DLGAP2: variants seen among roughly 807,000 people sequenced by gnomAD.
The protein encoded by DLGAP2 is DLG associated protein 2.
In DLGAP2, 26 loss-of-function variants were observed where a neutral mutation model predicts 100.3. The observed-to-expected ratio is 0.26, with a 90% confidence interval of 0.19 to 0.36. The LOEUF is 0.36. Ranked by LOEUF, DLGAP2 falls within the 10% of genes least tolerant of loss-of-function variation. The probability of loss-of-function intolerance (pLI) is 1.00; values close to 1 mark genes in which losing one functional copy is unlikely to be tolerated. For missense variants in DLGAP2, 1,858 were observed against 1,453.2 expected, an observed-to-expected ratio of 1.28 and a Z score of -4.53; for synonymous variants, 886 against 630.1, an observed-to-expected ratio of 1.41 and a Z score of -6.08.
rs189205941 is a variant in DLGAP2 at position 1,540,180 on chromosome 8, G to C, written c.173-8446G>C. 9.2e-5 allele frequency among the ~76,000 whole-genome samples: 14 copies of C among 152,274 alleles called. No individual in the cohort carries two copies. In the East Asian group the frequency reaches 2.7e-3, roughly 30 times the overall value. ...CCTACTTCCTTAGGTCTCTGCCCTGGTCAAGCCCTCCCCACCACACTTGTC... is the reference window on the plus strand; with the variant it reads ...CCTACTTCCTTAGGTCTCTGCCCTGCTCAAGCCCTCCCCACCACACTTGTC... On this transcript the variant is annotated intron_variant, in intron 4 of 14. Coordinates refer to ENST00000637795, the MANE Select transcript of DLGAP2 (RefSeq NM_001346810.2).
chr8:1,567,549 C>T (rs537639119), intron 6 of DLGAP2, among the ~76,000 whole-genome samples: 3 of 152,318 alleles, frequency 2.0e-5, no homozygotes, highest in South Asian at 4.1e-4. Context: ...TTCCTGTTGA[C>T]GGGTTCCTTC....
chr8:1,586,696 T>C (rs1377929059), intron 6 of DLGAP2, among the ~76,000 whole-genome samples: 1 of 152,242 alleles, frequency 6.6e-6, no homozygotes, highest in Non-Finnish European at 1.5e-5. Flanking sequence ...TGGCGGACTC[T>C]AGGCCCAGAT....
intron 3 of DLGAP2, among the ~76,000 whole-genome samples, chr8:1,360,899 G>T (rs922471522): frequency 1.3e-5 from 2 of 152,226 alleles, no homozygotes; most frequent in African/African-American, 4.8e-5. Context: ...CACCGGACAC[G>T]TGAACACGGT....
At chr8:1,483,822 C>G (rs753267723) in intron 3 of DLGAP2, among the ~76,000 whole-genome samples, 12 of 152,102 alleles carry the variant, frequency 7.9e-5, no homozygotes, top group Non-Finnish European at 1.5e-4. Flanking sequence ...GACCACAGGG[C>G]TTTTGTAAGG....
At chr8:1,479,472 C>T (rs1315992487) in intron 3 of DLGAP2, among the ~76,000 whole-genome samples, 2 of 152,140 alleles carry the variant, frequency 1.3e-5, no homozygotes, top group East Asian at 1.9e-4. Context: ...TAATTAATTG[C>T]AAATGGACAT....
chr8:1,281,258 G>T (rs80185748), intron 3 of DLGAP2, among the ~76,000 whole-genome samples: 3,968 of 152,300 alleles, frequency 0.026, 151 homozygotes, highest in East Asian at 0.079. Context: ...CGTAGATGTG[G>T]GTTTTGAGCC....
chr8:822,165 C>G, intron 1 of DLGAP2: 1 of 399,582 alleles, frequency 2.5e-6, no homozygotes, highest in Non-Finnish European at 4.4e-6. Context: ...CTGCCTGCGC[C>G]CAGCCCAGCC....
intron 3 of DLGAP2, among the ~76,000 whole-genome samples, chr8:1,267,240 TAAATAAATAAAATA>T (rs1161581941): frequency 2.2e-5 from 1 of 46,448 alleles, no homozygotes; most frequent in Admixed American, 2.0e-4. Context: ...TCAAAATAAA[TAAATAAATAAAATA>T]AAATAAAATA....
intron 2 of DLGAP2, among the ~76,000 whole-genome samples, chr8:1,128,068 A>G (rs1389716065): frequency 6.6e-6 from 1 of 152,152 alleles, no homozygotes; most frequent in Non-Finnish European, 1.5e-5. Context: ...TGTGCACCAT[A>G]TCCCGGTGTT....
At chr8:1,275,320 A>C in intron 3 of DLGAP2, among the ~76,000 whole-genome samples, 1 of 151,934 alleles carries the variant, frequency 6.6e-6, no homozygotes. Context: ...GAGCAGATAG[A>C]ACCAGGTACA....
chr8:1,470,353 C>G (rs1268619279), intron 3 of DLGAP2, among the ~76,000 whole-genome samples: 1 of 152,164 alleles, frequency 6.6e-6, no homozygotes, highest in Non-Finnish European at 1.5e-5. Flanking sequence ...GTGAGCCCCG[C>G]TGGTTCCTTA....
rs543514377 is a variant in DLGAP2 at position 890,834 on chromosome 8, C to T, written c.19-17078C>T. 1.4e-4 allele frequency among the ~76,000 whole-genome samples: 22 copies of T among 152,242 alleles called. 2 individuals carry two copies. The South Asian group carries it at 3.3e-3, about 23-fold the overall frequency. On this transcript the variant is annotated intron_variant, in intron 1 of 14. Coordinates refer to ENST00000637795, the MANE Select transcript of DLGAP2 (RefSeq NM_001346810.2). ...GCCCAAGCCACCCTGGGGCGTTTCC[C>T]GACCCCCCTAAACTCTAGGGCATGA...
At chr8:1,287,009 A>C (rs561659671) in intron 3 of DLGAP2, among the ~76,000 whole-genome samples, 8 of 152,352 alleles carry the variant, frequency 5.3e-5, no homozygotes, top group Admixed American at 3.9e-4. Flanking sequence ...CAGTTTTATA[A>C]CGTGAACCAG....
chr8:1,424,714 T>C (rs147346580), intron 3 of DLGAP2, among the ~76,000 whole-genome samples: 3 of 152,014 alleles, frequency 2.0e-5, no homozygotes, highest in East Asian at 3.9e-4. Context: ...GAAGGCCGGA[T>C]AGGACAAGGA....
chr8:1,419,360 G>T (rs1228721435), intron 3 of DLGAP2, among the ~76,000 whole-genome samples: 4 of 80,482 alleles, frequency 5.0e-5, no homozygotes, highest in South Asian at 1.3e-3. Flanking sequence ...TGTAGGTTTT[G>T]TTTTCCTTTT....
At chr8:747,762 C>G (rs912663197) in intron 1 of DLGAP2, among the ~76,000 whole-genome samples, 5 of 820 alleles carry the variant, frequency 6.1e-3, no homozygotes, top group Admixed American at 0.022. Context: ...GGATGGGGGT[C>G]TCTGCGGTGG....
At chr8:1,079,634 A>T (rs540397879) in intron 2 of DLGAP2, among the ~76,000 whole-genome samples, 2 of 152,342 alleles carry the variant, frequency 1.3e-5, no homozygotes, top group East Asian at 3.9e-4. Context: ...ACTGTGAACG[A>T]TGAATAGGAA....
intron 3 of DLGAP2, among the ~76,000 whole-genome samples, chr8:1,344,208 C>T (rs1381328483): frequency 6.6e-6 from 1 of 152,178 alleles, no homozygotes; most frequent in Non-Finnish European, 1.5e-5. Flanking sequence ...GGGGCCCTGT[C>T]GTGGGGCCTG....
intron 2 of DLGAP2, among the ~76,000 whole-genome samples, chr8:1,245,557 C>T (rs1251322748): frequency 6.6e-6 from 1 of 152,146 alleles, no homozygotes; most frequent in Non-Finnish European, 1.5e-5. Context: ...ATAGAAAGTA[C>T]ATTAGTGGTG....
Sources: allele counts gnomAD v4.1 joint callset (sites outside exome capture counted in the v4.1 genomes callset), GRCh38; gene constraint gnomAD v4.1.1; transcripts MANE v1.5; gene names NCBI Gene and HGNC (gene_info 2026-07-23, HGNC 2026-07-21).